The following SLC35F4 variants were observed in gnomAD, a reference collection of about 807,000 sequenced individuals.
The protein encoded by SLC35F4 is solute carrier family 35 member F4, also known as chromosome 14 open reading frame 36.
Under a neutral mutation model 44.2 loss-of-function variants are expected in SLC35F4, and 24 were observed. The ratio of observed to expected loss-of-function variants is 0.54; its 90% CI spans 0.39 to 0.76. The LOEUF (loss-of-function observed/expected upper bound fraction) is 0.76. SLC35F4 is among the 30% of genes least tolerant of loss of function. The pLI, the probability that SLC35F4 is intolerant of heterozygous loss-of-function variation, is 0.00. For missense variants in SLC35F4, 562 were observed against 586.1 expected (o/e 0.96, Z 0.42); for synonymous variants, 238 against 223.6 (o/e 1.06, Z -0.57).
chr14:57,620,418 G>A (rs921137954), intron 1 of SLC35F4, among the ~76,000 whole-genome samples: 3 of 152,146 alleles, frequency 2.0e-5, no homozygotes, highest in Admixed American at 2.0e-4. Context: ...TTTCAACCCA[G>A]AATTTCATAT....
intron 1 of SLC35F4, among the ~76,000 whole-genome samples, chr14:57,892,071 A>T (rs2141039574): frequency 6.6e-6 from 1 of 152,362 alleles, no homozygotes; most frequent in South Asian, 2.1e-4. Flanking sequence ...ATCTTTCAAA[A>T]ATTCATGTGT....
At chr14:57,784,569 T>C (rs2140765213) in intron 1 of SLC35F4, among the ~76,000 whole-genome samples, 1 of 152,198 alleles carries the variant, frequency 6.6e-6, no homozygotes, top group Admixed American at 6.5e-5. Flanking sequence ...CCCAGCTACT[T>C]GGGAGGCTGT....
At chr14:57,733,271 T>C (rs942704718) in intron 1 of SLC35F4, among the ~76,000 whole-genome samples, 14 of 150,894 alleles carry the variant, frequency 9.3e-5, no homozygotes, top group Non-Finnish European at 1.8e-4. Context: ...GAAATTCGAC[T>C]ATGGATTTTT....
At chr14:57,952,309 G>C (rs1210656735) in intron 1 of SLC35F4, among the ~76,000 whole-genome samples, 2 of 152,128 alleles carry the variant, frequency 1.3e-5, no homozygotes, top group Non-Finnish European at 2.9e-5. Context: ...ACCAAAGGTA[G>C]ATAAATCCAC....
At chr14:57,766,632 C>G (rs1338396364) in intron 1 of SLC35F4, among the ~76,000 whole-genome samples, 1 of 152,218 alleles carries the variant, frequency 6.6e-6, no homozygotes, top group East Asian at 1.9e-4. Flanking sequence ...GAGCACTATA[C>G]ATTGGGTACT....
chr14:57,671,914 T>A (rs193058633), intron 1 of SLC35F4, among the ~76,000 whole-genome samples: 1 of 152,184 alleles, frequency 6.6e-6, no homozygotes, highest in African/African-American at 2.4e-5. Context: ...TGAAACCACA[T>A]TTTTTTCTTG....
intron 4 of SLC35F4, 26 bp downstream of exon 4, chr14:57,581,188 G>A (rs375259018): frequency 4.2e-5 from 62 of 1,487,612 alleles, no homozygotes; most frequent in South Asian, 3.9e-4. Flanking sequence ...GGCAGGCATC[G>A]CGCATTGAAT....
At chr14:57,735,953 G>T (rs2140490025) in intron 1 of SLC35F4, among the ~76,000 whole-genome samples, 1 of 152,174 alleles carries the variant, frequency 6.6e-6, no homozygotes. Flanking sequence ...GGCCTCAAGG[G>T]ATACTACTAT....
At chr14:57,882,896 C>A (rs540561485) in intron 1 of SLC35F4, among the ~76,000 whole-genome samples, 1 of 152,180 alleles carries the variant, frequency 6.6e-6, no homozygotes, top group South Asian at 2.1e-4. Flanking sequence ...CCCTTGACTT[C>A]GGGCTTGGCC....
chr14:57,751,244 C>T (rs2076877840), intron 1 of SLC35F4, among the ~76,000 whole-genome samples: 1 of 152,152 alleles, frequency 6.6e-6, no homozygotes, highest in Non-Finnish European at 1.5e-5. Context: ...ATTTCAAACC[C>T]TGTGCTCCTA....
Position 57,889,911 on chromosome 14 carries a change from T to C in SLC35F4, n.282+92002A>G, listed in dbSNP as rs141224643. ...CACTACAAGTGCCAAGCTTCAGGGA[T>C]GCAGTGGAGAGCAAAACAGATAAGT... On this transcript the variant is annotated intron_variant and non_coding_transcript_variant, in intron 1 of 1. Coordinates refer to the SLC35F4 transcript ENST00000556568. Among the ~76,000 whole-genome samples, 310 of 152,294 alleles carry C rather than the reference T, an allele frequency of 2.0e-3. 1 individual carries two copies. The highest frequency in any genetic ancestry group is 7.1e-3 in the African/African-American group (297 of 41,576).
chr14:57,800,242 G>A (rs143866439), intron 1 of SLC35F4, among the ~76,000 whole-genome samples: 49 of 145,510 alleles, frequency 3.4e-4, no homozygotes, highest in African/African-American at 1.2e-3. Context: ...GGTCTGGAGC[G>A]GATCCCCAGC....
At chr14:57,858,620 G>A (rs988524189) in intron 1 of SLC35F4, among the ~76,000 whole-genome samples, 2 of 151,508 alleles carry the variant, frequency 1.3e-5, no homozygotes, top group Non-Finnish European at 2.9e-5. Flanking sequence ...CACGGCGCAT[G>A]TATACATATG....
chr14:57,707,617 A>C (rs2075710138), intron 1 of SLC35F4, among the ~76,000 whole-genome samples: 1 of 152,180 alleles, frequency 6.6e-6, no homozygotes, highest in Non-Finnish European at 1.5e-5. Flanking sequence ...AGAATGGACT[A>C]ATACAATAAA....
intron 1 of SLC35F4, among the ~76,000 whole-genome samples, chr14:57,950,048 G>A (rs1594647073): frequency 6.6e-6 from 1 of 152,096 alleles, no homozygotes; most frequent in African/African-American, 2.4e-5. Context: ...AGTTCTTTGA[G>A]CTTCTTGTAT....
At chr14:57,600,235 A>G (rs1484263866) in intron 1 of SLC35F4, among the ~76,000 whole-genome samples, 1 of 152,200 alleles carries the variant, frequency 6.6e-6, no homozygotes, top group South Asian at 2.1e-4. Flanking sequence ...CTCATCTTTT[A>G]TAAGTGTGTT....
At chr14:57,869,764 C>G (rs543462434), upstream of SLC35F4, among the ~76,000 whole-genome samples, 25 of 152,320 alleles carry the variant, frequency 1.6e-4, no homozygotes, top group Admixed American at 1.3e-3. Flanking sequence ...TCTAGCCAAC[C>G]AGGTGATAAG....
At chr14:57,835,686 C>T (rs1239873592) in intron 1 of SLC35F4, among the ~76,000 whole-genome samples, 3 of 152,150 alleles carry the variant, frequency 2.0e-5, no homozygotes, top group Non-Finnish European at 4.4e-5. Flanking sequence ...AATTTGGAGT[C>T]CTGGAGGACA....
At chr14:57,622,849 TA>T (rs1024390766) in intron 1 of SLC35F4, among the ~76,000 whole-genome samples, 2 of 151,230 alleles carry the variant, frequency 1.3e-5, no homozygotes, top group African/African-American at 2.4e-5. Flanking sequence ...ATAAAAAAAT[TA>T]AAAAAACCCC....
Sources: allele counts gnomAD v4.1 joint callset (sites outside exome capture counted in the v4.1 genomes callset), GRCh38; gene constraint gnomAD v4.1.1; transcripts MANE v1.5; gene names NCBI Gene and HGNC (gene_info 2026-07-23, HGNC 2026-07-21).